Variants in SEC61A2 observed in about 807,000 individuals in gnomAD.
SEC61A2 encodes the protein protein transport protein Sec61 subunit alpha isoform 2.
Under a neutral mutation model 59.9 loss-of-function variants are expected in SEC61A2, and 28 were observed. The ratio of observed to expected loss-of-function variants is 0.47; its 90% CI spans 0.35 to 0.64. The LOEUF (loss-of-function observed/expected upper bound fraction) is 0.64. Among genes scored for constraint, SEC61A2 ranks in the 30% least tolerant of loss-of-function variants. The pLI is 0.01. For missense variants in SEC61A2, 340 were observed against 585.9 expected, an observed-to-expected ratio of 0.58 and a Z score of 4.33; for synonymous variants, 202 against 214.4, an observed-to-expected ratio of 0.94 and a Z score of 0.50.
intron 2 of SEC61A2, 145 bp from the exon 3 acceptor site, chr10:12,135,960 C>T: frequency 3.2e-6 from 2 of 626,176 alleles, no homozygotes; most frequent in Admixed American, 5.6e-5. Context: ...ACCTAATAAA[C>T]AAAAATGCTT....
chr10:12,159,927 A>G (rs1834490905), intron 9 of SEC61A2, among the ~76,000 whole-genome samples: 1 of 152,146 alleles, frequency 6.6e-6, no homozygotes, highest in African/African-American at 2.4e-5. Flanking sequence ...AGATAATAAG[A>G]CAGTAACTCA....
chr10:12,136,063 T>G, intron 2 of SEC61A2, 42 bp from the exon 3 acceptor site: 2 of 1,407,866 alleles, frequency 1.4e-6, no homozygotes, highest in Non-Finnish European at 2.0e-6. Flanking sequence ...AATTTGCTGT[T>G]TCTTGGTTTT....
In SEC61A2 at chr10:12,155,299, C is replaced by CT; in HGVS notation, c.463-473dup. 6.6e-7 allele frequency: 1 copy of CT among 1,518,942 alleles called. No individual in the cohort carries two copies. Among genetic ancestry groups the CT allele is most frequent in the South Asian group, 1.3e-5 (1 of 78,842 alleles). 94.1% of individuals were successfully genotyped at this position (1,518,942 alleles called of 1,614,324 possible). ...ATACATATATATAATATATATAATG[C>CT]TTTTTTCAAAGGATCAACACAGCCC... On this transcript the variant is annotated intron_variant, in intron 6 of 11. Transcript: ENST00000298428. This position sits in a 1 kb window ranked among gnomAD's most constrained non-coding sequence, Gnocchi z 4.3.
Position 12,155,321 on chromosome 10 carries a change from G to T in SEC61A2, c.463-457G>T. 1 of 1,575,420 alleles carries T rather than the reference G, an allele frequency of 6.3e-7. No individual in the cohort carries two copies. Among genetic ancestry groups the T allele is most frequent in the Non-Finnish European group, 8.6e-7 (1 of 1,162,446 alleles). ...ATGCTTTTTTCAAAGGATCAACACA[G>T]CCCTTAGACTTATCCTTTGATGGCA... is the stretch of plus-strand genomic sequence containing the variant. On this transcript the variant is annotated intron_variant, in intron 6 of 11. Transcript: ENST00000298428. The surrounding 1 kb of genome is among the most constrained non-coding windows in gnomAD (Gnocchi z 4.3).
At position 12,162,292 on chromosome 10, in the gene SEC61A2, A is replaced by G. The variant is rs764483682; in HGVS notation, c.1244+3A>G. On this transcript the variant is annotated splice_donor_region_variant and intron_variant, in intron 11 of 11. Transcript: ENST00000298428. The surrounding 1 kb of genome is among the most constrained non-coding windows in gnomAD (Gnocchi z 6.1). ...TCTATGGTTCATGAGCTTAATAGGT[A>G]AGGCTGCTAGACTGACACCTTTATA... 1.1e-5 allele frequency: 17 copies of G among 1,610,022 alleles called. No individual in the cohort carries two copies. The highest frequency in any genetic ancestry group is 3.3e-4 in the Middle Eastern group (2 of 6,070).
chr10:12,155,889 G>A lies in SEC61A2; in HGVS notation c.574G>A (p.Val192Ile). The change falls in exon 7 of 12, where the codon GTC becomes ATC. Residue 192 changes from valine to isoleucine, a missense_variant. Val to Ile is a conservative substitution (Grantham distance 29). Transcript: ENST00000298428. The surrounding 1 kb of genome is among the most constrained non-coding windows in gnomAD (Gnocchi z 4.3). ...TGCCACCAACATCTGTGAGACCATT[G>A]TCTGGAAGGCCTTTAGTCCCACTAC... ...FIATNICETI[V>I]WKAFSPTTIN... 1 of 1,614,178 alleles carries A rather than the reference G, an allele frequency of 6.2e-7. No homozygotes were observed. Among genetic ancestry groups the A allele is most frequent in the Non-Finnish European group, 8.5e-7 (1 of 1,180,044 alleles).
At chr10:12,150,615 T>G (rs1212766987) in intron 6 of SEC61A2, among the ~76,000 whole-genome samples, 1 of 152,218 alleles carries the variant, frequency 6.6e-6, no homozygotes, top group African/African-American at 2.4e-5. Flanking sequence ...GGCAGTATTC[T>G]TTTCTTAGTA....
chr10:12,158,514 T>G lies in SEC61A2; in HGVS notation c.975+409T>G, dbSNP rs998303389. Among the ~76,000 whole-genome samples, 1 of 152,124 alleles carries G rather than the reference T, an allele frequency of 6.6e-6. No individual in the cohort carries two copies. The highest frequency in any genetic ancestry group is 1.5e-5 in the Non-Finnish European group (1 of 68,028). The stretch of plus-strand genomic sequence containing the variant: ...GGGAGGCTGAGGTGGGTGGATCACC[T>G]GAGGTCAGGAGTTCGAGACCAGCCT... On this transcript the variant is annotated intron_variant, in intron 9 of 11. Coordinates refer to ENST00000298428, the MANE Select transcript of SEC61A2 (RefSeq NM_018144.4). The surrounding 1 kb of genome is among the most constrained non-coding windows in gnomAD (Gnocchi z 5.7).
Position 12,142,639 on chromosome 10 carries a change from C to T in SEC61A2, c.142-478C>T, listed in dbSNP as rs1270918028. Reference sequence around the variant, plus strand: ...AAAAGTATAGAAAATATGCCATCTTCATCATTTTTAGATGTGCAGTTTAGT... The same window carrying T: ...AAAAGTATAGAAAATATGCCATCTTTATCATTTTTAGATGTGCAGTTTAGT... On this transcript the variant is annotated intron_variant, in intron 3 of 11. Transcript: ENST00000298428. This position sits in a 1 kb window ranked among gnomAD's most constrained non-coding sequence, Gnocchi z 5.4. 1 of 380,300 alleles carries T rather than the reference C, an allele frequency of 2.6e-6. No individual in the cohort carries two copies. Among genetic ancestry groups the T allele is most frequent in the Admixed American group, 6.4e-5 (1 of 15,584 alleles). The allele number at this position is 380,300 out of a possible 1,614,324, so 23.6% of individuals were successfully genotyped here.
At chr10:12,169,276 A>G, downstream of SEC61A2, 1 of 1,552,750 alleles carries the variant, frequency 6.4e-7, no homozygotes, top group Non-Finnish European at 8.7e-7. This position sits in a 1 kb window ranked among gnomAD's most constrained non-coding sequence, Gnocchi z 4.8. Context: ...TGAAGTTAAG[A>G]AGGTGGAAGG....
At position 12,160,530 on chromosome 10, in the gene SEC61A2, C is replaced by G. The variant is rs1314036377; in HGVS notation, c.976-400C>G. Among the ~76,000 whole-genome samples the G allele has an allele frequency of 6.6e-6, 1 of 152,238 alleles. No individual in the cohort carries two copies. The highest frequency in any genetic ancestry group is 2.4e-5 in the African/African-American group (1 of 41,540). The stretch of plus-strand genomic sequence containing the variant: ...CTTATGTCAGTATTTTAGTTGATTG[C>G]ATTAATATTTTCATATGGAAGGATC... On this transcript the variant is annotated intron_variant, in intron 9 of 11. Transcript: ENST00000298428. The surrounding 1 kb of genome is among the most constrained non-coding windows in gnomAD (Gnocchi z 4.1).
Position 12,155,226 on chromosome 10 carries a change from G to A in SEC61A2, c.463-552G>A. The A allele has an allele frequency of 1.1e-6, 1 of 899,396 alleles. No individual in the cohort carries two copies. The allele number at this position is 899,396 out of a possible 1,614,324, so 55.7% of individuals were successfully genotyped here. A position where few individuals can be genotyped will look rare whatever the true frequency, so the allele number is the denominator to read the frequency against. ...CATTGCTGCTCGAGTACGTATTTGA[G>A]TACATATTTGTGTTCTAGTTTTTTA... On this transcript the variant is annotated intron_variant, in intron 6 of 11. Transcript: ENST00000298428. The surrounding 1 kb of genome is among the most constrained non-coding windows in gnomAD (Gnocchi z 4.3).
downstream of SEC61A2, chr10:12,167,773 C>T: frequency 6.2e-7 from 1 of 1,614,152 alleles, no homozygotes; most frequent in Non-Finnish European, 8.5e-7. Flanking sequence ...TAGGAATAGA[C>T]CCTGGCGTCC....
rs978087530 is a variant in SEC61A2 at position 12,129,807 on chromosome 10, G to T, written c.7+13G>T. 4.9e-6 allele frequency: 7 copies of T among 1,424,516 alleles called. No homozygotes were observed. Among genetic ancestry groups the T allele is most frequent in the African/African-American group, 1.5e-5 (1 of 67,682 alleles). The allele number at this position is 1,424,516 out of a possible 1,614,324, so 88.2% of individuals were successfully genotyped here. On this transcript the variant is annotated intron_variant, in intron 1 of 11. Coordinates refer to ENST00000298428, the MANE Select transcript of SEC61A2 (RefSeq NM_018144.4). This position sits in a 1 kb window ranked among gnomAD's most constrained non-coding sequence, Gnocchi z 5.6. Reference sequence around the variant, plus strand: ...GCAGCCATGGGCAGTGAGTAGCGGCGGCTGGAGCGGGGACTCTGGCTGGGA... The same window carrying T: ...GCAGCCATGGGCAGTGAGTAGCGGCTGCTGGAGCGGGGACTCTGGCTGGGA...
Position 12,157,950 on chromosome 10 carries a change from G to A in SEC61A2, c.820G>A (p.Gly274Arg). Residue 274 changes from glycine to arginine, a missense_variant, in exon 9 of 12, where the codon GGA becomes AGA. Physicochemically the swap from Gly to Arg is moderately radical, Grantham distance 125. Transcript: ENST00000298428. ...DLPIKSARYR[G>R]QYSSYPIKLF... The stretch of plus-strand genomic sequence containing the variant: ...GCCCATTAAGTCGGCCCGTTACCGA[G>A]GACAGTACAGCAGCTACCCCATCAA... 2 of 1,614,106 alleles carry A rather than the reference G, an allele frequency of 1.2e-6. No individual in the cohort carries two copies. The highest frequency in any genetic ancestry group is 1.7e-6 in the Non-Finnish European group (2 of 1,180,026).
At chr10:12,132,336 A>AG (rs903741439) in intron 1 of SEC61A2, among the ~76,000 whole-genome samples, 1 of 150,658 alleles carries the variant, frequency 6.6e-6, no homozygotes, top group Non-Finnish European at 1.5e-5. Flanking sequence ...TATAGGGGCC[A>AG]GGTGCCATGG....
intron 2 of SEC61A2, 88 bp downstream of exon 2, chr10:12,133,396 C>T: frequency 1.5e-6 from 1 of 650,076 alleles, no homozygotes; most frequent in East Asian, 2.7e-5. Flanking sequence ...CTCAGTCCTT[C>T]TCTGTTGGTA....
At position 12,164,784 on chromosome 10, in the gene SEC61A2, A is replaced by C. The variant is rs570340002; in HGVS notation, c.*330A>C. ...TTGCACACAACATTCAAAACACTTC[A>C]TATTGCCCCCACTTGTTGAAAAATA... On this transcript the variant is annotated 3_prime_UTR_variant, in exon 12 of 12. Coordinates refer to ENST00000298428, the MANE Select transcript of SEC61A2 (RefSeq NM_018144.4). The surrounding 1 kb of genome is among the most constrained non-coding windows in gnomAD (Gnocchi z 7.3). The C allele has an allele frequency of 1.9e-6, 2 of 1,059,240 alleles. No individual in the cohort carries two copies. Among genetic ancestry groups the C allele is most frequent in the East Asian group, 8.4e-5 (1 of 11,878 alleles). The allele number at this position is 1,059,240 out of a possible 1,614,324, so 65.6% of individuals were successfully genotyped here.
At chr10:12,165,838 G>C (rs1252705310), downstream of SEC61A2, 1 of 152,138 alleles carries the variant, frequency 6.6e-6, no homozygotes, top group African/African-American at 2.4e-5. Context: ...TAGTGACAGT[G>C]GCTCGGTGAG....
Sources: gnomAD v4.1 joint callset for allele counts (sites outside exome capture counted in the v4.1 genomes callset) on GRCh38, gnomAD v4.1.1 for gene constraint, Gnocchi (gnomAD v3.1) non-coding constraint, MANE v1.5 for transcripts, NCBI Gene and HGNC (gene_info 2026-07-23, HGNC 2026-07-21) for gene names.